Variants in FGGY observed in about 807,000 individuals in gnomAD.
The protein encoded by FGGY is FGGY carbohydrate kinase domain-containing protein.
Under a neutral mutation model 71.3 loss-of-function variants are expected in FGGY, and 72 were observed. The observed-to-expected ratio is 1.01, with a 90% CI of 0.84 to 1.23. The LOEUF (loss-of-function observed/expected upper bound fraction) is 1.23. Among genes scored for constraint, FGGY ranks in the 50% most tolerant of loss-of-function variants. The pLI is 0.00. For missense variants in FGGY, 668 were observed against 682.3 expected (o/e 0.98, Z 0.23); for synonymous variants, 251 against 250.3 (o/e 1.00, Z -0.02).
chr1:59,752,873 C>T (rs1185697695), intron 14 of FGGY, among the ~76,000 whole-genome samples: 1 of 152,166 alleles, frequency 6.6e-6, no homozygotes. Context: ...TTTTTTCCTC[C>T]AGAAACCCTT....
At chr1:59,536,721 T>C (rs2095325201) in intron 7 of FGGY, among the ~76,000 whole-genome samples, 1 of 152,070 alleles carries the variant, frequency 6.6e-6, no homozygotes, top group Non-Finnish European at 1.5e-5. Flanking sequence ...AAAAATATAA[T>C]CCAGCATATA....
chr1:59,482,584 G>GTGTC (rs2093519954), intron 6 of FGGY, among the ~76,000 whole-genome samples: 1 of 148,670 alleles, frequency 6.7e-6, no homozygotes, highest in Non-Finnish European at 1.5e-5. Flanking sequence ...GTGTGTGTGT[G>GTGTC]TGTGTGTCTG....
chr1:59,441,714 TGAA>T (rs1227643969), intron 5 of FGGY, among the ~76,000 whole-genome samples: 7 of 152,172 alleles, frequency 4.6e-5, no homozygotes, highest in African/African-American at 1.4e-4. Flanking sequence ...ATGAAGAAAA[TGAA>T]GAGCAAGGAG....
At chr1:59,664,165 G>A (rs757274558) in intron 12 of FGGY, among the ~76,000 whole-genome samples, 9 of 152,184 alleles carry the variant, frequency 5.9e-5, no homozygotes, top group Non-Finnish European at 1.3e-4. Flanking sequence ...TTTGCATTCG[G>A]TTCTGTACAT....
chr1:59,482,582 GTGTGTGTGTC>G (rs2093519652), intron 6 of FGGY, among the ~76,000 whole-genome samples: 2 of 149,250 alleles, frequency 1.3e-5, no homozygotes, highest in South Asian at 4.2e-4. Flanking sequence ...GTGTGTGTGT[GTGTGTGTGTC>G]TGTGTGTGTA....
At chr1:59,307,802 C>CT (rs11382537) in intron 1 of FGGY, among the ~76,000 whole-genome samples, 152,270 of 152,364 alleles carry the variant, frequency 1, 76,088 homozygotes, top group Non-Finnish European at 1. Context: ...CAAAATTCCC[C>CT]TCAAAGACAG....
chr1:59,313,631 A>G (rs937721594), intron 1 of FGGY, among the ~76,000 whole-genome samples: 3 of 152,194 alleles, frequency 2.0e-5, no homozygotes, highest in South Asian at 4.1e-4. Context: ...AGCCATAAAA[A>G]GGAATGAATT....
intron 5 of FGGY, among the ~76,000 whole-genome samples, chr1:59,398,974 A>G (rs1303734126): frequency 2.6e-5 from 4 of 152,176 alleles, no homozygotes; most frequent in Non-Finnish European, 4.4e-5. Context: ...ATATAAATGC[A>G]TGTGGTGATG....
chr1:59,661,623 A>G (rs1406185549), intron 12 of FGGY, among the ~76,000 whole-genome samples: 3 of 152,202 alleles, frequency 2.0e-5, no homozygotes, highest in Non-Finnish European at 2.9e-5. Context: ...AGTAAAGATA[A>G]TTATTTAGCT....
chr1:59,660,413 T>C, intron 12 of FGGY, 120 bp downstream of exon 12: 1 of 707,742 alleles, frequency 1.4e-6, no homozygotes, highest in Non-Finnish European at 2.2e-6. Context: ...AAAGATTGTT[T>C]GCAAAAAAGA....
chr1:59,449,340 A>G lies in FGGY; in HGVS notation c.555-7621A>G, dbSNP rs142320213. Reference sequence around the variant, plus strand: ...GCTCTGTCCCCCAGGCTGGAGTGCAATGGCACAATCTCGGCTCACTGCAAC... The same window carrying G: ...GCTCTGTCCCCCAGGCTGGAGTGCAGTGGCACAATCTCGGCTCACTGCAAC... On this transcript the variant is annotated intron_variant, in intron 5 of 15. Transcript: ENST00000303721. Among the ~76,000 whole-genome samples, 843 of 152,136 alleles carry G rather than the reference A, an allele frequency of 5.5e-3. 8 individuals carry two copies. Among genetic ancestry groups the G allele is most frequent in the African/African-American group, 0.02 (813 of 41,520 alleles).
At chr1:59,331,848 G>A (rs2048549157) in intron 2 of FGGY, 1 of 152,280 alleles carries the variant, frequency 6.6e-6, no homozygotes, top group African/African-American at 2.4e-5. Context: ...AACAGGTAGT[G>A]ATGGAGCCTG....
At chr1:59,601,558 G>T (rs2096578440) in intron 8 of FGGY, among the ~76,000 whole-genome samples, 1 of 152,152 alleles carries the variant, frequency 6.6e-6, no homozygotes, top group Non-Finnish European at 1.5e-5. Flanking sequence ...TGTGTCTTCA[G>T]CTATAATATG....
At chr1:59,331,566 A>G (rs1172939544) in intron 2 of FGGY, among the ~76,000 whole-genome samples, 2 of 152,168 alleles carry the variant, frequency 1.3e-5, no homozygotes, top group Non-Finnish European at 2.9e-5. Context: ...CATCTTGCAT[A>G]GGAACCACCT....
chr1:59,586,875 C>T (rs1019565217), intron 8 of FGGY, among the ~76,000 whole-genome samples: 22 of 151,866 alleles, frequency 1.4e-4, no homozygotes, highest in East Asian at 1.9e-4. Flanking sequence ...ACGCAGAAGA[C>T]GGGTGATTTC....
intron 14 of FGGY, among the ~76,000 whole-genome samples, chr1:59,691,067 G>A (rs2097583182): frequency 6.6e-6 from 1 of 152,196 alleles, no homozygotes; most frequent in Admixed American, 6.5e-5. Flanking sequence ...ATGTAAAGCA[G>A]TGGAACCTTT....
intron 8 of FGGY, among the ~76,000 whole-genome samples, chr1:59,582,113 G>A (rs1221283590): frequency 1.3e-5 from 2 of 149,588 alleles, no homozygotes; most frequent in East Asian, 3.9e-4. Flanking sequence ...GGATGTGGTG[G>A]TGGTGGGTAC....
chr1:59,318,233 C>T (rs2045796429), intron 1 of FGGY, among the ~76,000 whole-genome samples: 2 of 152,204 alleles, frequency 1.3e-5, no homozygotes, highest in South Asian at 4.1e-4. Context: ...TGTGGTCAGG[C>T]ATTGTAATCA....
At chr1:59,673,875 A>C in intron 13 of FGGY, 164 bp from the exon 14 acceptor site, 2 of 601,908 alleles carry the variant, frequency 3.3e-6, no homozygotes, top group South Asian at 3.9e-5. Flanking sequence ...AATCTTTTAG[A>C]ACCAAATAAT....
Sources: gnomAD v4.1 joint callset for allele counts (sites outside exome capture counted in the v4.1 genomes callset) on GRCh38, gnomAD v4.1.1 for gene constraint, MANE v1.5 for transcripts, NCBI Gene and HGNC (gene_info 2026-07-23, HGNC 2026-07-21) for gene names.